The following LAMA3 variants were observed in gnomAD, a reference collection of about 807,000 sequenced individuals.
The protein encoded by LAMA3 is laminin subunit alpha 3.
LAMA3 carries 281 observed loss-of-function variants against 402.0 expected under a neutral mutation model. The ratio of observed to expected loss-of-function variants is 0.70; its 90% CI spans 0.63 to 0.77. LAMA3 has a LOEUF of 0.77. Among genes scored for constraint, LAMA3 ranks in the 30% least tolerant of loss-of-function variants. The pLI is 0.00. For missense variants in LAMA3, 3,840 were observed against 4,215.5 expected, an observed-to-expected ratio of 0.91 and a Z score of 2.47; for synonymous variants, 1,431 against 1,558.4, an observed-to-expected ratio of 0.92 and a Z score of 1.93.
intron 41 of LAMA3, among the ~76,000 whole-genome samples, 155 bp from the exon 42 acceptor site, chr18:23,889,856 C>T (rs1236383271): frequency 6.6e-6 from 1 of 152,126 alleles, no homozygotes; most frequent in East Asian, 1.9e-4. Flanking sequence ...GGGTAAATAC[C>T]TCTGTATTGA....
chr18:23,747,011 C>G (rs889435245), intron 2 of LAMA3, among the ~76,000 whole-genome samples: 11 of 151,958 alleles, frequency 7.2e-5, no homozygotes, highest in African/African-American at 2.4e-4. Flanking sequence ...CTAGAGGAGC[C>G]TGTGGTTCAA....
chr18:23,775,085 G>A (rs1162965213), intron 9 of LAMA3, among the ~76,000 whole-genome samples: 2 of 152,158 alleles, frequency 1.3e-5, no homozygotes, highest in Non-Finnish European at 2.9e-5. Context: ...AGGATGCCAG[G>A]TCACCCAGGT....
chr18:23,773,729 T>TC, intron 9 of LAMA3, 142 bp downstream of exon 9: 1 of 680,992 alleles, frequency 1.5e-6, no homozygotes, highest in South Asian at 1.6e-5. Flanking sequence ...GTGACCTCAG[T>TC]CACTTACACA....
At chr18:23,838,665 G>A (rs2063634094) in intron 25 of LAMA3, 116 bp from the exon 26 acceptor site, 5 of 711,972 alleles carry the variant, frequency 7.0e-6, no homozygotes, top group Non-Finnish European at 1.3e-5. Flanking sequence ...ATAACGATTA[G>A]AATTATTATG....
intron 23 of LAMA3, among the ~76,000 whole-genome samples, chr18:23,827,809 G>T (rs2063414403): frequency 6.6e-6 from 1 of 152,126 alleles, no homozygotes; most frequent in African/African-American, 2.4e-5. Context: ...ACTCAATCTA[G>T]TAAGCGTCCA....
chr18:23,697,794 C>G (rs532657552), intron 1 of LAMA3, among the ~76,000 whole-genome samples: 1 of 149,194 alleles, frequency 6.7e-6, no homozygotes, highest in East Asian at 2.0e-4. Context: ...TTTGCTCGGA[C>G]TGCCATAACA....
chr18:23,828,802 TG>T (rs1374337631), intron 23 of LAMA3, among the ~76,000 whole-genome samples: 2 of 152,240 alleles, frequency 1.3e-5, no homozygotes, highest in African/African-American at 4.8e-5. Context: ...TCCAGCTTAT[TG>T]ATTCAGTTTA....
chr18:23,762,042 C>T (rs2061979976), intron 7 of LAMA3, among the ~76,000 whole-genome samples: 1 of 152,006 alleles, frequency 6.6e-6, no homozygotes, highest in East Asian at 1.9e-4. Context: ...CACAGTGAAA[C>T]CTTGTCTCTA....
intron 2 of LAMA3, among the ~76,000 whole-genome samples, chr18:23,720,924 A>T (rs903729258): frequency 6.6e-6 from 1 of 152,136 alleles, no homozygotes; most frequent in Non-Finnish European, 1.5e-5. Flanking sequence ...TGGGAGGCCA[A>T]GGTGGGAGGA....
chr18:23,792,553 C>G (rs374400620), intron 12 of LAMA3, among the ~76,000 whole-genome samples: 3 of 152,224 alleles, frequency 2.0e-5, no homozygotes, highest in South Asian at 4.1e-4. Flanking sequence ...CCCAACACTG[C>G]TGCACTGGCA....
intron 20 of LAMA3, 90 bp downstream of exon 20, chr18:23,822,465 C>A: frequency 7.1e-7 from 1 of 1,400,996 alleles, no homozygotes; most frequent in Non-Finnish European, 1.0e-6. Context: ...GTTGATCACC[C>A]TTAGAAAATG....
intron 32 of LAMA3, among the ~76,000 whole-genome samples, chr18:23,856,596 T>G (rs552645875): frequency 2.2e-3 from 336 of 152,192 alleles, no homozygotes; most frequent in Non-Finnish European, 3.4e-3. Context: ...CTCAGCTGTT[T>G]GTGTTTTCTT....
chr18:23,778,319 G>C (rs1177586713), intron 11 of LAMA3, among the ~76,000 whole-genome samples: 2 of 152,176 alleles, frequency 1.3e-5, no homozygotes, highest in African/African-American at 4.8e-5. Flanking sequence ...GAACAGAACA[G>C]AAAAAATTCC....
intron 66 of LAMA3, among the ~76,000 whole-genome samples, chr18:23,933,215 C>G (rs909616167): frequency 6.6e-6 from 1 of 152,172 alleles, no homozygotes; most frequent in African/African-American, 2.4e-5. Flanking sequence ...GTTCGTATTT[C>G]CACATGACAC....
chr18:23,878,958 A>G (rs1461987258), intron 39 of LAMA3, among the ~76,000 whole-genome samples: 2 of 149,346 alleles, frequency 1.3e-5, no homozygotes, highest in Admixed American at 1.3e-4. Context: ...CATTGCCCCA[A>G]TTTCTCCCCA....
At chr18:23,793,355 C>G (rs2062698974) in intron 12 of LAMA3, among the ~76,000 whole-genome samples, 1 of 151,970 alleles carries the variant, frequency 6.6e-6, no homozygotes, top group Admixed American at 6.5e-5. Context: ...CCTCCAGGGT[C>G]AGCAAGGCCC....
chr18:23,931,797 G>A, intron 65 of LAMA3: 3 of 334,300 alleles, frequency 9.0e-6, no homozygotes, highest in South Asian at 7.9e-5. Flanking sequence ...GCACAACAGG[G>A]TACCTGGGGT....
At chr18:23,889,721 G>GAAGA (rs1333509546) in intron 41 of LAMA3, among the ~76,000 whole-genome samples, 1 of 121,404 alleles carries the variant, frequency 8.2e-6, no homozygotes. Flanking sequence ...AGGAAGGAAG[G>GAAGA]AAGAAAGGAA....
At chr18:23,713,622 GA>G (rs2061037951) in intron 1 of LAMA3, among the ~76,000 whole-genome samples, 1 of 152,152 alleles carries the variant, frequency 6.6e-6, no homozygotes, top group Admixed American at 6.5e-5. Context: ...GGCTCTTCTT[GA>G]AGTGTTGTAT....
Sources: allele counts gnomAD v4.1 joint callset (sites outside exome capture counted in the v4.1 genomes callset), GRCh38; gene constraint gnomAD v4.1.1; transcripts MANE v1.5; gene names NCBI Gene and HGNC (gene_info 2026-07-23, HGNC 2026-07-21).